ARID1B: variants seen among roughly 807,000 people sequenced by gnomAD.
ARID1B encodes AT-rich interactive domain-containing protein 1B.
A neutral mutation model predicts 212.3 loss-of-function variants in ARID1B; 30 were observed. The ratio of observed to expected loss-of-function variants is 0.14; its 90% CI spans 0.11 to 0.19. The LOEUF (loss-of-function observed/expected upper bound fraction) is 0.19, where lower values mean the gene tolerates loss of function less well. Ranked by LOEUF, ARID1B falls within the 10% of genes least tolerant of loss-of-function variation. The probability of loss-of-function intolerance (pLI) is 1.00; values close to 1 mark genes in which losing one functional copy is unlikely to be tolerated. For synonymous variants in ARID1B, 1,402 were observed against 1,301.7 expected, an observed-to-expected ratio of 1.08 and a Z score of -1.66; for missense variants, 2,891 against 3,204.0, an observed-to-expected ratio of 0.90 and a Z score of 2.36.
chr6:157,175,782 A>G (rs189468434), intron 11 of ARID1B: 15 of 152,262 alleles, frequency 9.9e-5, no homozygotes, highest in East Asian at 1.9e-4. Flanking sequence ...CCTACTAAAG[A>G]AATTCTGTAC....
chr6:156,802,792 T>A (rs776629838), intron 1 of ARID1B, among the ~76,000 whole-genome samples: 26 of 152,264 alleles, frequency 1.7e-4, no homozygotes, highest in Non-Finnish European at 3.5e-4. Flanking sequence ...TGAGGGTTAT[T>A]GTTTATATTT....
intron 2 of ARID1B, among the ~76,000 whole-genome samples, chr6:156,874,937 G>A (rs1786424677): frequency 6.6e-6 from 1 of 152,186 alleles, no homozygotes; most frequent in Non-Finnish European, 1.5e-5. Flanking sequence ...AAGAGCAGGA[G>A]CCACATCTGG....
At chr6:157,010,725 A>G (rs892387431) in intron 4 of ARID1B, among the ~76,000 whole-genome samples, 2 of 151,690 alleles carry the variant, frequency 1.3e-5, no homozygotes, top group Non-Finnish European at 2.9e-5. Flanking sequence ...AACTTGTGTC[A>G]ATTTATCTAA....
At chr6:156,953,502 A>T (rs1793739124) in intron 4 of ARID1B, among the ~76,000 whole-genome samples, 1 of 152,202 alleles carries the variant, frequency 6.6e-6, no homozygotes, top group African/African-American at 2.4e-5. Context: ...ATGTAATTTT[A>T]AAAAAAGAAA....
At chr6:156,960,228 CA>C (rs1405916228) in intron 4 of ARID1B, among the ~76,000 whole-genome samples, 2 of 152,182 alleles carry the variant, frequency 1.3e-5, no homozygotes, top group East Asian at 3.9e-4. Context: ...CACGCCTGGC[CA>C]CTTGTCCCCT....
At chr6:156,887,192 C>G (rs1787574360) in intron 2 of ARID1B, among the ~76,000 whole-genome samples, 1 of 152,214 alleles carries the variant, frequency 6.6e-6, no homozygotes, top group Admixed American at 6.5e-5. Flanking sequence ...AACCCCCAGC[C>G]TCTTCACTGT....
chr6:157,144,577 G>A (rs753666231), intron 7 of ARID1B, among the ~76,000 whole-genome samples: 2 of 152,184 alleles, frequency 1.3e-5, no homozygotes, highest in Non-Finnish European at 2.9e-5. Flanking sequence ...CAGATCATCT[G>A]GAAGCGAAGG....
intron 1 of ARID1B, among the ~76,000 whole-genome samples, chr6:156,823,936 A>T (rs1274461264): frequency 6.6e-6 from 1 of 152,222 alleles, no homozygotes; most frequent in African/African-American, 2.4e-5. Flanking sequence ...CTAAAAGTAT[A>T]TAAGCAAGTT....
At position 156,883,979 on chromosome 6, in the gene ARID1B, C is replaced by T. The variant is rs191792675; in HGVS notation, c.1987-17397C>T. 3.7e-3 allele frequency among the ~76,000 whole-genome samples: 558 copies of T among 152,294 alleles called. 4 individuals are homozygous for T. Among genetic ancestry groups the T allele is most frequent in the African/African-American group, 0.013 (527 of 41,564 alleles). On this transcript the variant is annotated intron_variant, in intron 2 of 19. Coordinates refer to ENST00000636930, the MANE Select transcript of ARID1B (RefSeq NM_001374828.1). ...CCTCATTTATTCTGATAAAGTATCA[C>T]TTGGAACTGTTTTCTTTGAGATTCT...
intron 4 of ARID1B, among the ~76,000 whole-genome samples, chr6:157,029,508 G>A (rs1434157816): frequency 6.6e-6 from 1 of 152,244 alleles, no homozygotes; most frequent in African/African-American, 2.4e-5. Flanking sequence ...GCCTGCTCTT[G>A]TGAAGTTGAC....
At chr6:157,088,588 A>G (rs1562607715) in intron 5 of ARID1B, among the ~76,000 whole-genome samples, 1 of 152,190 alleles carries the variant, frequency 6.6e-6, no homozygotes, top group African/African-American at 2.4e-5. Flanking sequence ...AGCGTGCATT[A>G]TGTTATATAT....
rs1794519266 is a variant in ARID1B at position 157,207,055 on chromosome 6, G to A, written c.6283G>A (p.Val2095Met). The A allele has an allele frequency of 6.2e-7, 1 of 1,614,098 alleles. No individual in the cohort carries two copies. The highest frequency in any genetic ancestry group is 1.3e-5 in the African/African-American group (1 of 74,918). ...DAEMSKHPGL[V>M]LILGKLILLH... The stretch of plus-strand genomic sequence containing the variant: ...CGAAATGTCCAAACATCCAGGCCTG[G>A]TGCTGATCCTGGGGAAGCTGATTCT... The change falls in exon 20 of 20, where the codon GTG becomes ATG. Residue 2095 changes from valine to methionine, a missense_variant. Physicochemically the swap from Val to Met is conservative, Grantham distance 21. Coordinates refer to ENST00000636930, the MANE Select transcript of ARID1B (RefSeq NM_001374828.1). This position sits in a 1 kb window ranked among gnomAD's most constrained non-coding sequence, Gnocchi z 8.5.
intron 4 of ARID1B, chr6:156,942,655 G>A (rs1044037413): frequency 5.3e-5 from 8 of 151,874 alleles, no homozygotes; most frequent in African/African-American, 1.9e-4. Flanking sequence ...ATGTTCTGAG[G>A]TCCCTCTTCT....
chr6:156,945,962 T>TGTA (rs1793092486), intron 4 of ARID1B, among the ~76,000 whole-genome samples: 2 of 152,088 alleles, frequency 1.3e-5, no homozygotes. Flanking sequence ...TGAGCAGTGA[T>TGTA]CACGTCACTG....
At chr6:157,194,087 TCA>T (rs1363080925) in intron 15 of ARID1B, 1 of 152,258 alleles carries the variant, frequency 6.6e-6, no homozygotes, top group East Asian at 1.9e-4. Flanking sequence ...ATTAGTGAAC[TCA>T]CACATCTTTT....
intron 4 of ARID1B, among the ~76,000 whole-genome samples, chr6:156,993,879 C>T (rs1017349141): frequency 1.6e-4 from 24 of 152,198 alleles, no homozygotes; most frequent in African/African-American, 4.3e-4. Context: ...TTTATCTCTT[C>T]GTAAAATATA....
At chr6:156,931,957 G>A (rs887840882) in intron 3 of ARID1B, among the ~76,000 whole-genome samples, 35 of 127,508 alleles carry the variant, frequency 2.7e-4, no homozygotes, top group African/African-American at 8.7e-4. Flanking sequence ...GCAAGATTCC[G>A]TCTTAAAAAA....
chr6:156,960,710 A>G (rs1794314252), intron 4 of ARID1B, among the ~76,000 whole-genome samples: 1 of 152,196 alleles, frequency 6.6e-6, no homozygotes, highest in African/African-American at 2.4e-5. Flanking sequence ...AGAACCCCAA[A>G]TTACTCTCTG....
intron 3 of ARID1B, among the ~76,000 whole-genome samples, chr6:156,925,885 T>G (rs902472250): frequency 6.6e-6 from 1 of 152,104 alleles, no homozygotes; most frequent in Non-Finnish European, 1.5e-5. Flanking sequence ...GAGCCTGAGA[T>G]AGACAAGCAG....
Sources: gnomAD v4.1 joint callset for allele counts (sites outside exome capture counted in the v4.1 genomes callset) on GRCh38, gnomAD v4.1.1 for gene constraint, Gnocchi (gnomAD v3.1) non-coding constraint, MANE v1.5 for transcripts, NCBI Gene and HGNC (gene_info 2026-07-23, HGNC 2026-07-21) for gene names.